ADARB2: variants seen among roughly 807,000 people sequenced by gnomAD.
The protein encoded by ADARB2 is adenosine deaminase RNA specific B2 (inactive), also known as inactive double-stranded RNA-specific editase B2.
Under a neutral mutation model 62.2 loss-of-function variants are expected in ADARB2, and 25 were observed. The ratio of observed to expected loss-of-function variants is 0.40; its 90% CI spans 0.29 to 0.56. The LOEUF (loss-of-function observed/expected upper bound fraction) is 0.56. Ranked by LOEUF, ADARB2 falls within the 20% of genes least tolerant of loss-of-function variation. The pLI, the probability that ADARB2 is intolerant of heterozygous loss-of-function variation, is 0.43. For missense variants in ADARB2, 1,071 were observed against 1,077.4 expected (o/e 0.99, Z 0.08); for synonymous variants, 572 against 500.8 (o/e 1.14, Z -1.90).
chr10:1,220,230 GA>G (rs1830679067), intron 6 of ADARB2, among the ~76,000 whole-genome samples: 1 of 149,972 alleles, frequency 6.7e-6, no homozygotes, highest in Non-Finnish European at 1.5e-5. Flanking sequence ...TGATGGTGAT[GA>G]TGGTGGTGAT....
intron 1 of ADARB2, among the ~76,000 whole-genome samples, chr10:1,533,189 G>A (rs1267412143): frequency 6.6e-6 from 1 of 151,528 alleles, no homozygotes; most frequent in Non-Finnish European, 1.5e-5. Context: ...GGTGATCTCG[G>A]CTCACTGCAA....
intron 1 of ADARB2, among the ~76,000 whole-genome samples, chr10:1,716,817 C>T (rs979538828): frequency 6.6e-6 from 1 of 152,090 alleles, no homozygotes; most frequent in Non-Finnish European, 1.5e-5. Context: ...TCCCTTATGA[C>T]TATCAAGGAG....
chr10:1,457,379 C>A (rs909392535), intron 1 of ADARB2, among the ~76,000 whole-genome samples: 4 of 152,060 alleles, frequency 2.6e-5, no homozygotes, highest in African/African-American at 9.7e-5. Flanking sequence ...CTTTAAGGTG[C>A]CTTCTCATCT....
At chr10:1,185,987 T>C (rs1032888721) in intron 8 of ADARB2, among the ~76,000 whole-genome samples, 2 of 152,206 alleles carry the variant, frequency 1.3e-5, no homozygotes, top group East Asian at 1.9e-4. Context: ...TGATTGGGGC[T>C]TCTGGACATG....
At chr10:1,626,053 A>G (rs369773045) in intron 1 of ADARB2, among the ~76,000 whole-genome samples, 111 of 113,446 alleles carry the variant, frequency 9.8e-4, no homozygotes, top group Middle Eastern at 7.7e-3. Flanking sequence ...GACCTCGGAC[A>G]CTAACCCCAC....
intron 1 of ADARB2, among the ~76,000 whole-genome samples, chr10:1,404,226 A>G (rs911084864): frequency 6.1e-5 from 7 of 115,684 alleles, no homozygotes; most frequent in African/African-American, 2.2e-4. Context: ...AGCTGCTGCC[A>G]GGAGCTCTAT....
At chr10:1,242,888 AAAACAAACAAC>A (rs373327181) in intron 4 of ADARB2, among the ~76,000 whole-genome samples, 2 of 152,222 alleles carry the variant, frequency 1.3e-5, no homozygotes, top group African/African-American at 4.8e-5. Flanking sequence ...TCAGGGACTG[AAAACAAACAAC>A]AAAGAAACCT....
chr10:1,726,128 C>T (rs1277946004), intron 1 of ADARB2, among the ~76,000 whole-genome samples: 1 of 152,166 alleles, frequency 6.6e-6, no homozygotes, highest in Admixed American at 6.5e-5. Context: ...GCCAATATTC[C>T]TGTGGCCAAA....
At chr10:1,659,536 A>G (rs1046429874) in intron 1 of ADARB2, among the ~76,000 whole-genome samples, 1 of 152,220 alleles carries the variant, frequency 6.6e-6, no homozygotes, top group Admixed American at 6.5e-5. Flanking sequence ...GGCCCCGGTC[A>G]CTTTAGTCTG....
rs1459907867 is a variant in ADARB2 at position 1,624,037 on chromosome 10, AG to A, written c.100+113013del. On this transcript the variant is annotated intron_variant, in intron 1 of 9. Coordinates refer to ENST00000381312, the MANE Select transcript of ADARB2 (RefSeq NM_018702.4). Reference sequence around the variant, plus strand: ...CACTTAAGCCCAAGAGTTTGAGACCAGCCTGGGCAACATGGCAAAACCCCAT... The same window carrying A: ...CACTTAAGCCCAAGAGTTTGAGACCACCTGGGCAACATGGCAAAACCCCAT... Among the ~76,000 whole-genome samples, 6 of 152,192 alleles carry A rather than the reference AG, an allele frequency of 3.9e-5. No individual in the cohort carries two copies. In the East Asian group the frequency reaches 9.7e-4, roughly 25 times the overall value.
At chr10:1,378,939 A>C in intron 2 of ADARB2, 135 bp downstream of exon 2, 1 of 699,576 alleles carries the variant, frequency 1.4e-6, no homozygotes, top group East Asian at 2.5e-5. Flanking sequence ...ATGAGAGCAG[A>C]TACTGTCTCT....
At chr10:1,703,798 C>T (rs1338141934) in intron 1 of ADARB2, among the ~76,000 whole-genome samples, 3 of 152,110 alleles carry the variant, frequency 2.0e-5, no homozygotes, top group Non-Finnish European at 2.9e-5. Flanking sequence ...AGCATTTGGC[C>T]ATATTAAGTC....
At chr10:1,198,370 T>C (rs752473727) in intron 8 of ADARB2, among the ~76,000 whole-genome samples, 4 of 152,258 alleles carry the variant, frequency 2.6e-5, no homozygotes, top group Non-Finnish European at 2.9e-5. Context: ...GGGTGCTTTT[T>C]ATTATTATCC....
At chr10:1,415,160 T>G (rs1424270118) in intron 1 of ADARB2, among the ~76,000 whole-genome samples, 2 of 147,830 alleles carry the variant, frequency 1.4e-5, no homozygotes, top group Non-Finnish European at 3.0e-5. Context: ...TGGATGGATA[T>G]AAGGATGGGT....
intron 1 of ADARB2, chr10:1,676,215 C>T (rs2119111941): frequency 4.8e-6 from 1 of 206,472 alleles, no homozygotes; most frequent in Non-Finnish European, 8.5e-6. Flanking sequence ...CCCACTTCTG[C>T]TGCAGAAGAA....
intron 1 of ADARB2, among the ~76,000 whole-genome samples, chr10:1,514,178 A>AAAATATATATATATAT: frequency 1.1e-5 from 1 of 94,156 alleles, no homozygotes; most frequent in Admixed American, 1.4e-4. Context: ...GCTGTCTCAA[A>AAAATATATATATATAT]ATATATATAT....
chr10:1,578,531 C>T (rs567872276), intron 1 of ADARB2, among the ~76,000 whole-genome samples: 13 of 152,276 alleles, frequency 8.5e-5, no homozygotes, highest in South Asian at 8.3e-4. Flanking sequence ...TGTGAGTGCT[C>T]GGCTTCCTGG....
chr10:1,270,186 G>A (rs1270828765), intron 4 of ADARB2, among the ~76,000 whole-genome samples: 1 of 152,160 alleles, frequency 6.6e-6, no homozygotes, highest in South Asian at 2.1e-4. Context: ...CAGTCATTTG[G>A]TCCTTTATTT....
intron 1 of ADARB2, among the ~76,000 whole-genome samples, chr10:1,441,008 T>C (rs1830898680): frequency 6.6e-6 from 1 of 152,236 alleles, no homozygotes; most frequent in African/African-American, 2.4e-5. Context: ...GATTACACTT[T>C]ATGGGTTCAC....
Sources: gnomAD v4.1 joint callset for allele counts (sites outside exome capture counted in the v4.1 genomes callset) on GRCh38, gnomAD v4.1.1 for gene constraint, MANE v1.5 for transcripts, NCBI Gene and HGNC (gene_info 2026-07-23, HGNC 2026-07-21) for gene names.